The following VDAC1 variants were observed in gnomAD, a reference collection of about 807,000 sequenced individuals.
VDAC1 encodes the protein non-selective voltage-gated ion channel VDAC1.
A neutral mutation model predicts 34.7 loss-of-function variants in VDAC1; 10 were observed. That is an observed-to-expected ratio of 0.29 (90% CI 0.18 to 0.49). The LOEUF is 0.49. Among genes scored for constraint, VDAC1 ranks in the 20% least tolerant of loss-of-function variants. The pLI is 0.99. For missense variants in VDAC1, 230 were observed against 347.9 expected (o/e 0.66, Z 2.69); for synonymous variants, 130 against 136.0 (o/e 0.96, Z 0.30).
At chr5:133,975,145 A>G (rs1166136385) in intron 7 of VDAC1, among the ~76,000 whole-genome samples, 2 of 151,958 alleles carry the variant, frequency 1.3e-5, no homozygotes, top group African/African-American at 2.4e-5. Flanking sequence ...TGGTGTGCCT[A>G]TAGTCCCAGC....
At chr5:134,036,178 A>C in the VDAC1 span, among the ~76,000 whole-genome samples, 2 of 152,130 alleles carry the variant, frequency 1.3e-5, no homozygotes, top group East Asian at 1.9e-4. Context: ...AAACAGAAAA[A>C]ATAGTAGCTT....
the VDAC1 span, among the ~76,000 whole-genome samples, chr5:134,072,128 A>C: frequency 2.6e-5 from 4 of 152,170 alleles, no homozygotes; most frequent in African/African-American, 4.8e-5. Flanking sequence ...AGGCTAGTCC[A>C]TCTTGCAGAC....
At chr5:134,088,559 C>T in the VDAC1 span, among the ~76,000 whole-genome samples, 3 of 152,200 alleles carry the variant, frequency 2.0e-5, no homozygotes, top group Non-Finnish European at 4.4e-5. Flanking sequence ...GTGCCAGGCT[C>T]AATCATTCAA....
the VDAC1 span, among the ~76,000 whole-genome samples, chr5:134,012,051 AAG>A: frequency 6.6e-6 from 1 of 152,060 alleles, no homozygotes; most frequent in East Asian, 1.9e-4. Context: ...AAGAAAGAAA[AAG>A]AGAAAGAAAG....
chr5:134,098,813 G>A, the VDAC1 span, among the ~76,000 whole-genome samples: 12 of 152,222 alleles, frequency 7.9e-5, no homozygotes, highest in African/African-American at 2.4e-4. Context: ...GAGTCACCTG[G>A]GGAGGGAGCA....
At chr5:134,085,688 G>A in the VDAC1 span, among the ~76,000 whole-genome samples, 2 of 116,174 alleles carry the variant, frequency 1.7e-5, no homozygotes. Flanking sequence ...AGGAGTTTGA[G>A]ACCAGCCTGT....
At chr5:134,073,327 G>C in the VDAC1 span, among the ~76,000 whole-genome samples, 1 of 152,176 alleles carries the variant, frequency 6.6e-6, no homozygotes, top group Admixed American at 6.5e-5. Flanking sequence ...CAGGGGCATC[G>C]CATGGGAACT....
chr5:134,064,925 G>A, the VDAC1 span, among the ~76,000 whole-genome samples: 1 of 151,942 alleles, frequency 6.6e-6, no homozygotes, highest in Non-Finnish European at 1.5e-5. Flanking sequence ...TTGCCATATT[G>A]CCCAGGTTGG....
At chr5:134,019,035 C>A in the VDAC1 span, among the ~76,000 whole-genome samples, 1 of 152,136 alleles carries the variant, frequency 6.6e-6, no homozygotes. Flanking sequence ...CTCGCATCTC[C>A]CCGCTTGGCT....
the VDAC1 span, among the ~76,000 whole-genome samples, chr5:134,078,888 T>C: frequency 6.6e-6 from 1 of 152,030 alleles, no homozygotes; most frequent in African/African-American, 2.4e-5. Context: ...TGACCTCAGA[T>C]GATTTGCCCA....
chr5:134,001,043 G>C (rs1489433057), intron 1 of VDAC1, among the ~76,000 whole-genome samples: 1 of 152,220 alleles, frequency 6.6e-6, no homozygotes, highest in African/African-American at 2.4e-5. Context: ...TCCACTGCCA[G>C]TTGGCCCGCA....
the VDAC1 span, among the ~76,000 whole-genome samples, chr5:134,080,985 T>C: frequency 1.3e-5 from 2 of 151,728 alleles, no homozygotes; most frequent in African/African-American, 4.8e-5. Context: ...CAAGCGATCC[T>C]CCCACCTTAG....
chr5:134,015,065 T>C, the VDAC1 span, among the ~76,000 whole-genome samples: 1 of 152,088 alleles, frequency 6.6e-6, no homozygotes, highest in African/African-American at 2.4e-5. Context: ...TGCAGCAACA[T>C]GGATGCAGCT....
chr5:134,082,418 T>C, the VDAC1 span, among the ~76,000 whole-genome samples: 1 of 152,376 alleles, frequency 6.6e-6, no homozygotes, highest in Non-Finnish European at 1.5e-5. Flanking sequence ...TTTTGATCAC[T>C]GAATACTACT....
At chr5:134,001,920 G>A (rs4958205) in intron 1 of VDAC1, among the ~76,000 whole-genome samples, 34,708 of 151,542 alleles carry the variant, frequency 0.23, 4,660 homozygotes, top group Admixed American at 0.29. Context: ...GGAGAAATGC[G>A]CCCAGACCCA....
chr5:134,024,356 T>C, the VDAC1 span, among the ~76,000 whole-genome samples: 1 of 151,762 alleles, frequency 6.6e-6, no homozygotes, highest in South Asian at 2.1e-4. Context: ...GGTGAAACCC[T>C]GTCTCTACCA....
At chr5:134,064,586 G>A in the VDAC1 span, among the ~76,000 whole-genome samples, 1 of 152,144 alleles carries the variant, frequency 6.6e-6, no homozygotes, top group Non-Finnish European at 1.5e-5. Flanking sequence ...TTACAAGTGT[G>A]AGCCGCTGGG....
the VDAC1 span, among the ~76,000 whole-genome samples, chr5:134,017,011 T>C: frequency 6.6e-6 from 1 of 152,216 alleles, no homozygotes; most frequent in Non-Finnish European, 1.5e-5. Context: ...CCTGGGCATG[T>C]TCTTCCCAGA....
chr5:134,066,363 G>A, the VDAC1 span, among the ~76,000 whole-genome samples: 89 of 152,196 alleles, frequency 5.8e-4, 2 homozygotes. Flanking sequence ...TGGTAGTAAG[G>A]TGTGAATGCA....
Sources: allele counts gnomAD v4.1 joint callset (sites outside exome capture counted in the v4.1 genomes callset), GRCh38; gene constraint gnomAD v4.1.1; transcripts MANE v1.5; gene names NCBI Gene and HGNC (gene_info 2026-07-23, HGNC 2026-07-21).